The following ALCAM variants were observed in gnomAD, a reference collection of about 807,000 sequenced individuals.
ALCAM encodes CD166 antigen.
Under a neutral mutation model 70.9 loss-of-function variants are expected in ALCAM, and 30 were observed. The observed-to-expected ratio is 0.42, with a 90% CI of 0.32 to 0.57. The LOEUF is 0.57. Ranked by LOEUF, ALCAM falls within the 20% of genes least tolerant of loss-of-function variation. The pLI, the probability that ALCAM is intolerant of heterozygous loss-of-function variation, is 0.11. For missense variants in ALCAM, 591 were observed against 695.1 expected (o/e 0.85, Z 1.68); for synonymous variants, 249 against 242.5 (o/e 1.03, Z -0.25).
chr3:105,457,520 C>G (rs1009816689), intron 1 of ALCAM, among the ~76,000 whole-genome samples: 7 of 151,636 alleles, frequency 4.6e-5, no homozygotes, highest in African/African-American at 1.7e-4. Context: ...ACCTGTGTAA[C>G]AAACCTGCAC....
chr3:105,473,436 A>G (rs568456080), intron 1 of ALCAM, among the ~76,000 whole-genome samples: 2 of 151,692 alleles, frequency 1.3e-5, no homozygotes, highest in East Asian at 3.9e-4. Flanking sequence ...GTCTTTTATT[A>G]TAGTTAGATC....
Position 105,449,197 on chromosome 3 carries a change from C to A in ALCAM, c.74-70870C>A, listed in dbSNP as rs865943467. On this transcript the variant is annotated intron_variant, in intron 1 of 15. Transcript: ENST00000306107. ...TGTTCTTATTAAACTCTGGGTTCAG[C>A]ATAAAATAGTATCTTACTGATTTAT... 4.6e-5 allele frequency among the ~76,000 whole-genome samples: 7 copies of A among 152,268 alleles called. No homozygotes were observed. The South Asian group carries it at 6.2e-4, about 14-fold the overall frequency.
rs1260194141 is a variant in ALCAM at position 105,402,943 on chromosome 3, T to C, written c.73+35462T>C. ...ATAGGATTGCAGCTGATGCGCTTTT[T>C]TTTTTTTTTTTTTTTTTTCTTAAAT... On this transcript the variant is annotated intron_variant, in intron 1 of 15. Coordinates refer to ENST00000306107, the MANE Select transcript of ALCAM (RefSeq NM_001627.4). Among the ~76,000 whole-genome samples the C allele has an allele frequency of 4.0e-3, 583 of 146,898 alleles. 15 individuals carry two copies. The highest frequency in any genetic ancestry group is 0.011 in the African/African-American group (454 of 40,130).
chr3:105,535,545 G>A (rs1441857959), intron 6 of ALCAM, among the ~76,000 whole-genome samples: 2 of 151,990 alleles, frequency 1.3e-5, no homozygotes, highest in Non-Finnish European at 2.9e-5. Flanking sequence ...CTACATCTCA[G>A]TTTTCTTACT....
intron 1 of ALCAM, among the ~76,000 whole-genome samples, chr3:105,499,342 C>G (rs562150703): frequency 5.9e-5 from 9 of 152,130 alleles, no homozygotes; most frequent in Non-Finnish European, 1.0e-4. Context: ...AAAGATCAAA[C>G]TAGAATGTTA....
At position 105,475,093 on chromosome 3, in the gene ALCAM, A is replaced by G. The variant is rs1162544052; in HGVS notation, c.74-44974A>G. 2.6e-5 allele frequency among the ~76,000 whole-genome samples: 4 copies of G among 151,994 alleles called. No homozygotes were observed. In the South Asian group the frequency reaches 8.3e-4, roughly 31 times the overall value. On this transcript the variant is annotated intron_variant, in intron 1 of 15. Transcript: ENST00000306107. ...CCAGCATCACCCATTTAGTCCCTGC[A>G]GTGGCTGAAAACCTGGCAAGGCTTT...
intron 1 of ALCAM, among the ~76,000 whole-genome samples, chr3:105,438,718 T>C (rs1937106847): frequency 6.6e-6 from 1 of 152,098 alleles, no homozygotes; most frequent in Non-Finnish European, 1.5e-5. Flanking sequence ...GCTACAGATA[T>C]TGTATAGAGA....
At chr3:105,522,434 CTAATT>C (rs1272553902) in intron 2 of ALCAM, among the ~76,000 whole-genome samples, 2 of 152,230 alleles carry the variant, frequency 1.3e-5, no homozygotes, top group African/African-American at 2.4e-5. Context: ...TTGCAATGCT[CTAATT>C]TAATGTAACC....
At chr3:105,405,773 A>G (rs183488138) in intron 1 of ALCAM, among the ~76,000 whole-genome samples, 1 of 152,324 alleles carries the variant, frequency 6.6e-6, no homozygotes, top group African/African-American at 2.4e-5. Flanking sequence ...ATGCAAATAC[A>G]TGGAAATTAA....
intron 15 of ALCAM, among the ~76,000 whole-genome samples, chr3:105,573,364 G>A (rs1940896571): frequency 6.6e-6 from 1 of 151,250 alleles, no homozygotes; most frequent in Non-Finnish European, 1.5e-5. Context: ...CTTTAATCTA[G>A]ATATTTAATA....
chr3:105,455,598 A>G (rs2152594309), intron 1 of ALCAM, among the ~76,000 whole-genome samples: 1 of 152,320 alleles, frequency 6.6e-6, no homozygotes, highest in East Asian at 1.9e-4. Context: ...GGTGGAGCTC[A>G]GATACCAGAC....
chr3:105,496,827 G>GGGGTGTGTGTGT (rs755792411), intron 1 of ALCAM, among the ~76,000 whole-genome samples: 67 of 103,892 alleles, frequency 6.4e-4, no homozygotes, highest in Middle Eastern at 4.8e-3. Context: ...GTCCAATTGA[G>GGGGTGTGTGTGT]GTGTGTGTGT....
At chr3:105,493,482 G>A (rs1317656543) in intron 1 of ALCAM, among the ~76,000 whole-genome samples, 3 of 152,110 alleles carry the variant, frequency 2.0e-5, no homozygotes, top group Non-Finnish European at 4.4e-5. Context: ...ATTGAGATGA[G>A]GAGATTATCA....
intron 1 of ALCAM, among the ~76,000 whole-genome samples, chr3:105,390,914 G>T (rs1431434161): frequency 6.6e-6 from 1 of 152,022 alleles, no homozygotes; most frequent in East Asian, 1.9e-4. Context: ...TAGATGTGTG[G>T]TGTTATTTCT....
chr3:105,369,594 G>A (rs1413295652), intron 1 of ALCAM, among the ~76,000 whole-genome samples: 9 of 152,228 alleles, frequency 5.9e-5, no homozygotes, highest in Non-Finnish European at 7.3e-5. Flanking sequence ...CAGTAAGTGC[G>A]CCTTCTTCGG....
intron 1 of ALCAM, among the ~76,000 whole-genome samples, chr3:105,474,466 G>A (rs1253685118): frequency 6.6e-6 from 1 of 151,662 alleles, no homozygotes; most frequent in East Asian, 1.9e-4. Context: ...AATTGTCCCA[G>A]AACATGAGGT....
chr3:105,405,665 T>A (rs1936209733), intron 1 of ALCAM, among the ~76,000 whole-genome samples: 2 of 152,010 alleles, frequency 1.3e-5, no homozygotes, highest in Admixed American at 1.3e-4. Flanking sequence ...ACAAAACAAG[T>A]CTCAGTAAAT....
chr3:105,520,237 A>C (rs1385254334), intron 2 of ALCAM, 70 bp downstream of exon 2: 1 of 1,090,194 alleles, frequency 9.2e-7, no homozygotes, highest in African/African-American at 1.6e-5. Context: ...TCTGTGAGTA[A>C]CTGTGAATTT....
At chr3:105,397,813 T>C (rs1241130566) in intron 1 of ALCAM, among the ~76,000 whole-genome samples, 2 of 152,130 alleles carry the variant, frequency 1.3e-5, no homozygotes, top group Non-Finnish European at 2.9e-5. Flanking sequence ...AATGGAATTA[T>C]TTATTTGACA....
Sources: allele counts gnomAD v4.1 joint callset (sites outside exome capture counted in the v4.1 genomes callset), GRCh38; gene constraint gnomAD v4.1.1; transcripts MANE v1.5; gene names NCBI Gene and HGNC (gene_info 2026-07-23, HGNC 2026-07-21).